GPC5: variants seen among roughly 807,000 people sequenced by gnomAD.
GPC5 encodes the protein glypican-5.
GPC5 carries 47 observed loss-of-function variants against 53.9 expected under a neutral mutation model. That is an observed-to-expected ratio of 0.87 (90% CI 0.69 to 1.11). The LOEUF is 1.11. GPC5 is among the 50% of genes most tolerant of loss of function. The pLI is 0.00. For missense variants in GPC5, 748 were observed against 713.1 expected, an observed-to-expected ratio of 1.05 and a Z score of -0.56; for synonymous variants, 286 against 263.3, an observed-to-expected ratio of 1.09 and a Z score of -0.84.
chr13:91,828,287 C>T lies in GPC5; in HGVS notation c.1280+71867C>T, dbSNP rs550797821. Among the ~76,000 whole-genome samples the T allele has an allele frequency of 2.6e-5, 4 of 152,100 alleles. No individual in the cohort carries two copies. In the East Asian group the frequency reaches 7.7e-4, roughly 29 times the overall value. On this transcript the variant is annotated intron_variant, in intron 5 of 7. Coordinates refer to ENST00000377067, the MANE Select transcript of GPC5 (RefSeq NM_004466.6). ...ATTTCACCCTATGTCACTACTCACACTCACCCCTCATACACACACAATAAC... is the reference window on the plus strand; with the variant it reads ...ATTTCACCCTATGTCACTACTCACATTCACCCCTCATACACACACAATAAC...
chr13:91,752,978 A>G (rs2140115306), intron 4 of GPC5, among the ~76,000 whole-genome samples: 3 of 152,334 alleles, frequency 2.0e-5, no homozygotes, highest in Middle Eastern at 3.4e-3. Context: ...CTCTATCTAG[A>G]CATTCCAAAG....
At chr13:91,643,958 GAATT>G in intron 2 of GPC5, among the ~76,000 whole-genome samples, 1 of 27,856 alleles carries the variant, frequency 3.6e-5, no homozygotes, top group Non-Finnish European at 2.2e-4. Flanking sequence ...CTTAACATAT[GAATT>G]AAAATTCATA....
intron 2 of GPC5, among the ~76,000 whole-genome samples, chr13:91,644,587 T>C (rs530684664): frequency 2.6e-5 from 4 of 152,256 alleles, no homozygotes; most frequent in Admixed American, 6.5e-5. Flanking sequence ...TACTAATCAA[T>C]ATCTATATTT....
intron 7 of GPC5, among the ~76,000 whole-genome samples, chr13:92,246,299 A>G (rs1484340965): frequency 1.3e-5 from 2 of 152,106 alleles, no homozygotes; most frequent in African/African-American, 4.8e-5. Context: ...TTATTTCTAT[A>G]ATAATAAGGA....
intron 2 of GPC5, among the ~76,000 whole-genome samples, chr13:91,658,980 T>C (rs1320964683): frequency 6.6e-6 from 1 of 152,216 alleles, no homozygotes; most frequent in Non-Finnish European, 1.5e-5. Flanking sequence ...TTTTCCTTTA[T>C]ATCATGTACT....
At chr13:92,523,024 TG>T (rs1881129379) in intron 7 of GPC5, among the ~76,000 whole-genome samples, 1 of 152,276 alleles carries the variant, frequency 6.6e-6, no homozygotes, top group East Asian at 1.9e-4. Flanking sequence ...CAACATTCGT[TG>T]GAAAATGATT....
chr13:91,651,673 G>A (rs955872249), intron 2 of GPC5, among the ~76,000 whole-genome samples: 5 of 148,922 alleles, frequency 3.4e-5, no homozygotes, highest in East Asian at 2.0e-4. Flanking sequence ...AGCCAAGATC[G>A]TGCCATTGCA....
At chr13:92,195,546 A>C (rs924233540) in intron 7 of GPC5, among the ~76,000 whole-genome samples, 6 of 152,126 alleles carry the variant, frequency 3.9e-5, no homozygotes, top group Non-Finnish European at 7.3e-5. Context: ...TCATAACTAC[A>C]CTGCATTCCC....
At chr13:92,224,032 C>A (rs192053290) in intron 7 of GPC5, among the ~76,000 whole-genome samples, 2 of 151,948 alleles carry the variant, frequency 1.3e-5, no homozygotes, top group Admixed American at 1.3e-4. Flanking sequence ...TTGATCAAAC[C>A]CTGTTTTAAC....
intron 5 of GPC5, among the ~76,000 whole-genome samples, chr13:91,889,808 A>G (rs1420519213): frequency 6.6e-6 from 1 of 152,212 alleles, no homozygotes; most frequent in African/African-American, 2.4e-5. Context: ...ACAAAAGTAC[A>G]GTCAAGAAGG....
intron 7 of GPC5, among the ~76,000 whole-genome samples, chr13:92,206,490 T>G (rs1253805676): frequency 6.6e-6 from 1 of 151,954 alleles, no homozygotes; most frequent in African/African-American, 2.4e-5. Context: ...CCGGCTGTCA[T>G]GCCATGTATT....
chr13:92,161,956 C>CAT (rs55867004), intron 7 of GPC5, among the ~76,000 whole-genome samples: 4,509 of 95,544 alleles, frequency 0.047, 214 homozygotes, highest in Non-Finnish European at 0.054. Flanking sequence ...AATATATAGC[C>CAT]ATATATATAT....
intron 3 of GPC5, among the ~76,000 whole-genome samples, chr13:91,716,935 T>C (rs1401403976): frequency 6.6e-6 from 1 of 152,220 alleles, no homozygotes; most frequent in Non-Finnish European, 1.5e-5. Flanking sequence ...TTCTGGGGAC[T>C]GGGAGAGGGA....
intron 2 of GPC5, among the ~76,000 whole-genome samples, chr13:91,540,797 G>A (rs1239629632): frequency 6.6e-6 from 1 of 151,982 alleles, no homozygotes; most frequent in Non-Finnish European, 1.5e-5. Flanking sequence ...ATGATCCTAA[G>A]TACAGGAAAG....
Position 92,662,366 on chromosome 13 carries a change from G to A in GPC5, c.1562-203916G>A, listed in dbSNP as rs149804411. Among the ~76,000 whole-genome samples the A allele has an allele frequency of 6.4e-3, 977 of 152,178 alleles. 9 individuals are homozygous for A. The highest frequency in any genetic ancestry group is 0.022 in the African/African-American group (910 of 41,536). On this transcript the variant is annotated intron_variant, in intron 7 of 7. Transcript: ENST00000377067. ...TGCTAGAACAGGCTTTCGTCACCACGGCAGTTTTCTTTTAAATACTGTTCC... is the reference window on the plus strand; with the variant it reads ...TGCTAGAACAGGCTTTCGTCACCACAGCAGTTTTCTTTTAAATACTGTTCC...
chr13:92,021,734 A>G (rs532128756), intron 6 of GPC5, among the ~76,000 whole-genome samples: 2 of 152,318 alleles, frequency 1.3e-5, no homozygotes, highest in African/African-American at 4.8e-5. Flanking sequence ...CCATTTATCT[A>G]TCTGGGTTTT....
rs76233885 is a variant in GPC5, at chr13:92,493,519, G to T, written c.1561+348530G>T. ...TTCATTTGTGGGGTTAACTGCAGTA[G>T]TAGGTTTTGGTTGAGAGGAAGAGCG... On this transcript the variant is annotated intron_variant, in intron 7 of 7. Transcript: ENST00000377067. Among the ~76,000 whole-genome samples, 23 of 152,266 alleles carry T rather than the reference G, an allele frequency of 1.5e-4. No individual in the cohort carries two copies. In the East Asian group the frequency reaches 4.4e-3, roughly 29 times the overall value.
chr13:91,617,396 G>A (rs1478387147), intron 2 of GPC5, among the ~76,000 whole-genome samples: 1 of 152,106 alleles, frequency 6.6e-6, no homozygotes, highest in Non-Finnish European at 1.5e-5. Flanking sequence ...GCAGAAGGAT[G>A]TTAAGGGAGA....
chr13:92,007,832 C>T (rs1025995724), intron 6 of GPC5, among the ~76,000 whole-genome samples: 1 of 152,010 alleles, frequency 6.6e-6, no homozygotes, highest in African/African-American at 2.4e-5. Context: ...AAAATATGGT[C>T]GCTCAAGATG....
Sources: gnomAD v4.1 joint callset for allele counts (sites outside exome capture counted in the v4.1 genomes callset) on GRCh38, gnomAD v4.1.1 for gene constraint, MANE v1.5 for transcripts, NCBI Gene and HGNC (gene_info 2026-07-23, HGNC 2026-07-21) for gene names.